The following ATP10B variants were observed in gnomAD, a reference collection of about 807,000 sequenced individuals.
ATP10B encodes ATPase phospholipid transporting 10B (putative).
ATP10B carries 122 observed loss-of-function variants against 141.2 expected under a neutral mutation model. The ratio of observed to expected loss-of-function variants is 0.86; its 90% CI spans 0.75 to 1.00. The LOEUF (loss-of-function observed/expected upper bound fraction) is 1.00. Among genes scored for constraint, ATP10B ranks in the 50% least tolerant of loss-of-function variants. The pLI, the probability that ATP10B is intolerant of heterozygous loss-of-function variation, is 0.00. For synonymous variants in ATP10B, 685 were observed against 692.0 expected, an observed-to-expected ratio of 0.99 and a Z score of 0.16; for missense variants, 1,876 against 1,825.3, an observed-to-expected ratio of 1.03 and a Z score of -0.51.
At chr5:160,871,864 A>G in the ATP10B span, among the ~76,000 whole-genome samples, 46 of 152,112 alleles carry the variant, frequency 3.0e-4, no homozygotes, top group Non-Finnish European at 5.3e-4. Context: ...TTTTTTGTAT[A>G]ATGACTTTTT....
At chr5:160,717,783 T>A (rs1765749504) in intron 2 of ATP10B, among the ~76,000 whole-genome samples, 1 of 152,204 alleles carries the variant, frequency 6.6e-6, no homozygotes, top group Non-Finnish European at 1.5e-5. Flanking sequence ...ACTTCAGAAC[T>A]GGGGCCCAAA....
the ATP10B span, among the ~76,000 whole-genome samples, chr5:160,911,571 C>T: frequency 8.7e-4 from 132 of 152,286 alleles, no homozygotes; most frequent in African/African-American, 2.9e-3. Flanking sequence ...GAAGAGTGAA[C>T]ATGATCAGGC....
intron 3 of ATP10B, among the ~76,000 whole-genome samples, chr5:160,705,144 T>A (rs1014546911): frequency 9.2e-5 from 14 of 151,970 alleles, no homozygotes; most frequent in African/African-American, 3.1e-4. Flanking sequence ...GGTCTCGATC[T>A]CCTGACCTCG....
chr5:160,846,385 G>A (rs1390173415), intron 1 of ATP10B, among the ~76,000 whole-genome samples: 1 of 152,144 alleles, frequency 6.6e-6, no homozygotes, highest in Non-Finnish European at 1.5e-5. Context: ...AGATTGGACA[G>A]AAATATCTGG....
chr5:160,689,467 T>C (rs544164716), intron 3 of ATP10B, among the ~76,000 whole-genome samples: 11 of 152,250 alleles, frequency 7.2e-5, no homozygotes, highest in Admixed American at 2.0e-4. Context: ...GATTGTATAT[T>C]TAGAAAACCC....
intron 8 of ATP10B, among the ~76,000 whole-genome samples, chr5:160,647,375 G>A (rs1760367529): frequency 6.6e-6 from 1 of 152,142 alleles, no homozygotes. Flanking sequence ...TTCATTCCAT[G>A]GGTTAGCTAC....
chr5:160,849,966 C>T lies in ATP10B; in HGVS notation c.-576+1975G>A, dbSNP rs149312479. Among the ~76,000 whole-genome samples, 917 of 152,182 alleles carry T rather than the reference C, an allele frequency of 6.0e-3. 13 individuals carry two copies. The highest frequency in any genetic ancestry group is 0.021 in the African/African-American group (873 of 41,504). ...AGGTTCAAAGCAAAATTTAAGAATG[C>T]CTGGCTAAGTTTTACTTTAAGGAGA... On this transcript the variant is annotated intron_variant, in intron 1 of 25. Transcript: ENST00000327245.
chr5:160,787,978 T>C (rs1393498281), intron 1 of ATP10B, among the ~76,000 whole-genome samples: 1 of 152,182 alleles, frequency 6.6e-6, no homozygotes, highest in Non-Finnish European at 1.5e-5. Context: ...CAATCACTAA[T>C]GGTCCAGTGA....
intron 1 of ATP10B, among the ~76,000 whole-genome samples, chr5:160,835,806 C>T (rs986704930): frequency 7.9e-5 from 12 of 152,190 alleles, no homozygotes; most frequent in African/African-American, 2.9e-4. Flanking sequence ...ACAGCAGGTC[C>T]TTCATGGGGT....
At chr5:160,760,792 C>T (rs1768969550) in intron 2 of ATP10B, among the ~76,000 whole-genome samples, 1 of 152,086 alleles carries the variant, frequency 6.6e-6, no homozygotes, top group Non-Finnish European at 1.5e-5. Flanking sequence ...CAGAGGCAGC[C>T]ATAATTTCCT....
At chr5:160,702,331 T>C (rs1346963334) in intron 3 of ATP10B, among the ~76,000 whole-genome samples, 1 of 152,216 alleles carries the variant, frequency 6.6e-6, no homozygotes, top group Admixed American at 6.5e-5. Context: ...CAGTTAGAAG[T>C]AACTGTGGTT....
At chr5:160,685,458 CAGGTGTCTT>C in intron 6 of ATP10B, 1 of 361,622 alleles carries the variant, frequency 2.8e-6, no homozygotes, top group Admixed American at 4.4e-5. Context: ...ACGTCACCTA[CAGGTGTCTT>C]CCTTTTCCAC....
intron 3 of ATP10B, among the ~76,000 whole-genome samples, chr5:160,707,151 A>G (rs1217428329): frequency 6.6e-6 from 1 of 152,024 alleles, no homozygotes; most frequent in Non-Finnish European, 1.5e-5. Flanking sequence ...GGGTTTCACC[A>G]TGTTGGCCAG....
At chr5:160,882,729 T>C in the ATP10B span, among the ~76,000 whole-genome samples, 1 of 152,064 alleles carries the variant, frequency 6.6e-6, no homozygotes, top group African/African-American at 2.4e-5. Flanking sequence ...AAAAATGGTA[T>C]GGAGGAATGG....
chr5:160,602,428 G>A, intron 21 of ATP10B, 149 bp downstream of exon 21: 1 of 974,714 alleles, frequency 1.0e-6, no homozygotes, highest in Non-Finnish European at 1.5e-6. Context: ...AGGTCACAGA[G>A]CTATTAAGGA....
intron 21 of ATP10B, among the ~76,000 whole-genome samples, chr5:160,601,678 C>T (rs1229562389): frequency 6.6e-6 from 1 of 152,080 alleles, no homozygotes; most frequent in South Asian, 2.1e-4. Flanking sequence ...GACACTAAGG[C>T]CTCTTGACAC....
chr5:160,794,369 C>T (rs186902367), intron 1 of ATP10B, among the ~76,000 whole-genome samples: 15 of 152,306 alleles, frequency 9.8e-5, no homozygotes, highest in Admixed American at 7.8e-4. Flanking sequence ...CTGACCACAG[C>T]GGAAGGTAGG....
At chr5:160,849,970 G>A (rs1487558645) in intron 1 of ATP10B, among the ~76,000 whole-genome samples, 1 of 152,158 alleles carries the variant, frequency 6.6e-6, no homozygotes, top group Non-Finnish European at 1.5e-5. Flanking sequence ...AGAATGCCTG[G>A]CTAAGTTTTA....
intron 1 of ATP10B, among the ~76,000 whole-genome samples, chr5:160,802,837 C>CT (rs1772478646): frequency 6.6e-6 from 1 of 152,202 alleles, no homozygotes; most frequent in African/African-American, 2.4e-5. Flanking sequence ...TGTCTGGCTT[C>CT]TTCTCATCTT....
Sources: gnomAD v4.1 joint callset for allele counts (sites outside exome capture counted in the v4.1 genomes callset) on GRCh38, gnomAD v4.1.1 for gene constraint, MANE v1.5 for transcripts, NCBI Gene and HGNC (gene_info 2026-07-23, HGNC 2026-07-21) for gene names.